Variants in ALS2 observed in about 807,000 individuals in gnomAD.
ALS2 encodes the protein alsin Rho guanine nucleotide exchange factor ALS2, also known as alsin.
Under a neutral mutation model 203.4 loss-of-function variants are expected in ALS2, and 117 were observed. The ratio of observed to expected loss-of-function variants is 0.58; its 90% CI spans 0.50 to 0.67. The LOEUF (loss-of-function observed/expected upper bound fraction) is 0.67. Among genes scored for constraint, ALS2 ranks in the 30% least tolerant of loss-of-function variants. The pLI, the probability that ALS2 is intolerant of heterozygous loss-of-function variation, is 0.00. For synonymous variants in ALS2, 718 were observed against 725.9 expected (o/e 0.99, Z 0.17); for missense variants, 1,715 against 1,989.4 (o/e 0.86, Z 2.62).
intron 1 of ALS2, among the ~76,000 whole-genome samples, chr2:201,772,358 A>G (rs1694434125): frequency 6.6e-6 from 1 of 152,246 alleles, no homozygotes; most frequent in African/African-American, 2.4e-5. Flanking sequence ...TTACAGGTCT[A>G]CAATACCTTA....
chr2:201,726,437 C>T (rs776305851), intron 19 of ALS2, 47 bp downstream of exon 19: 2 of 1,495,402 alleles, frequency 1.3e-6, no homozygotes, highest in Non-Finnish European at 1.9e-6. Context: ...TAATTTACGA[C>T]CTTACCGAAC....
intron 10 of ALS2, 142 bp downstream of exon 10, chr2:201,744,116 T>G: frequency 1.1e-6 from 1 of 907,582 alleles, no homozygotes; most frequent in South Asian, 1.6e-5. Flanking sequence ...TGTAAATTGT[T>G]GACTACCTGT....
At chr2:201,704,327 C>A in intron 32 of ALS2, 109 bp from the exon 33 acceptor site, 1 of 1,481,488 alleles carries the variant, frequency 6.7e-7, no homozygotes, top group South Asian at 1.1e-5. Context: ...AGGGTAATGT[C>A]ACAGTGGAAT....
intron 9 of ALS2, among the ~76,000 whole-genome samples, chr2:201,745,140 A>G (rs1692547883): frequency 6.6e-6 from 1 of 152,240 alleles, no homozygotes; most frequent in Non-Finnish European, 1.5e-5. Flanking sequence ...CTAGACTGTG[A>G]AATCATTCAT....
intron 24 of ALS2, among the ~76,000 whole-genome samples, chr2:201,716,325 C>T (rs1690387692): frequency 6.6e-6 from 1 of 152,082 alleles, no homozygotes; most frequent in African/African-American, 2.4e-5. Context: ...GGGTGGATCG[C>T]CTGAGGTCAG....
chr2:201,730,003 G>A (rs1199075436), intron 13 of ALS2, among the ~76,000 whole-genome samples: 1 of 150,514 alleles, frequency 6.6e-6, no homozygotes, highest in Admixed American at 6.6e-5. Flanking sequence ...ATCAGCTTTT[G>A]CATTTAATCT....
Position 201,748,204 on chromosome 2 carries a change from TTGTG to T in ALS2, c.1816-1460_1816-1457del, listed in dbSNP as rs139801413. Among the ~76,000 whole-genome samples the T allele has an allele frequency of 9.3e-5, 14 of 150,576 alleles. 1 individual carries two copies. The highest frequency in any genetic ancestry group is 3.4e-4 in the African/African-American group (14 of 41,048). On this transcript the variant is annotated intron_variant, in intron 8 of 33. Coordinates refer to ENST00000264276, the MANE Select transcript of ALS2 (RefSeq NM_020919.4). ...AATCATAGGTGATTTTGTGTGTGTG[TTGTG>T]TGTGTGTGTGTGTGTCTACTACTAA...
At chr2:201,760,705 A>G (rs1693708297) in intron 4 of ALS2, 176 bp downstream of exon 4, 1 of 1,420,396 alleles carries the variant, frequency 7.0e-7, no homozygotes, top group Non-Finnish European at 9.2e-7. Flanking sequence ...ATAAAGAGTG[A>G]TTTTGAATTA....
chr2:201,732,399 C>CAAAAAAAAAA (rs11288102), intron 13 of ALS2, among the ~76,000 whole-genome samples: 7 of 85,064 alleles, frequency 8.2e-5, no homozygotes, highest in Admixed American at 1.3e-4. Flanking sequence ...ACTAAAAATA[C>CAAAAAAAAAA]AAAAAAAAAA....
intron 4 of ALS2, among the ~76,000 whole-genome samples, chr2:201,758,543 A>G (rs765391542): frequency 1.3e-5 from 2 of 152,210 alleles, no homozygotes; most frequent in Admixed American, 6.5e-5. Flanking sequence ...TAATGAAAAA[A>G]TCAGTTGAAA....
intron 28 of ALS2, 32 bp downstream of exon 28, chr2:201,707,837 T>C (rs1377184653): frequency 1.2e-6 from 2 of 1,609,724 alleles, no homozygotes; most frequent in Non-Finnish European, 1.7e-6. Context: ...CACCATTCCC[T>C]TTCTTCACTG....
At position 201,700,304 on chromosome 2, in the gene ALS2, T is replaced by A. The variant is rs1379983080; in HGVS notation, c.*1547A>T. On this transcript the variant is annotated 3_prime_UTR_variant, in exon 34 of 34. Coordinates refer to ENST00000264276, the MANE Select transcript of ALS2 (RefSeq NM_020919.4). ...CTTTTTATTCAAAGAAATAATAGAT[T>A]TCTTTGGAGACCCGTGTCCTTGGGT... 1.3e-5 allele frequency among the ~76,000 whole-genome samples: 2 copies of A among 152,228 alleles called. No individual in the cohort carries two copies. Among genetic ancestry groups the A allele is most frequent in the African/African-American group, 4.8e-5 (2 of 41,462 alleles).
intron 1 of ALS2, among the ~76,000 whole-genome samples, chr2:201,774,650 A>G (rs1694573882): frequency 8.2e-6 from 1 of 121,514 alleles, no homozygotes; most frequent in Non-Finnish European, 2.0e-5. Context: ...TTTTCTGGAT[A>G]AAGTCTTTTT....
At chr2:201,743,026 G>A (rs1252144028) in intron 10 of ALS2, among the ~76,000 whole-genome samples, 1 of 148,724 alleles carries the variant, frequency 6.7e-6, no homozygotes, top group African/African-American at 2.5e-5. Context: ...AGCCGAGATT[G>A]TGCCACTACA....
intron 1 of ALS2, among the ~76,000 whole-genome samples, chr2:201,777,158 A>T (rs1374246779): frequency 2.0e-5 from 3 of 152,140 alleles, no homozygotes; most frequent in African/African-American, 7.2e-5. Context: ...TGAGGGCCTT[A>T]TTATACAACT....
At chr2:201,726,366 TA>T in intron 19 of ALS2, 117 bp downstream of exon 19, 3 of 975,400 alleles carry the variant, frequency 3.1e-6, no homozygotes, top group Admixed American at 1.9e-5. Flanking sequence ...TGTGCATTTC[TA>T]AAAAATAACA....
chr2:201,729,375 A>AC (rs1691403807), intron 13 of ALS2, among the ~76,000 whole-genome samples, 192 bp from the exon 14 acceptor site: 1 of 152,144 alleles, frequency 6.6e-6, no homozygotes, highest in African/African-American at 2.4e-5. Flanking sequence ...ACATAAAAGT[A>AC]CATATGAAAT....
At chr2:201,775,327 A>T (rs1694607048) in intron 1 of ALS2, among the ~76,000 whole-genome samples, 1 of 152,068 alleles carries the variant, frequency 6.6e-6, no homozygotes, top group African/African-American at 2.4e-5. Context: ...AATTACCATC[A>T]ATTTCCTATA....
chr2:201,765,749 T>C (rs999134251), intron 3 of ALS2: 4 of 167,090 alleles, frequency 2.4e-5, no homozygotes, highest in African/African-American at 9.6e-5. Flanking sequence ...AGATTAAAGG[T>C]ACCTCTATAA....
Sources: allele counts gnomAD v4.1 joint callset (sites outside exome capture counted in the v4.1 genomes callset), GRCh38; gene constraint gnomAD v4.1.1; transcripts MANE v1.5; gene names NCBI Gene and HGNC (gene_info 2026-07-23, HGNC 2026-07-21).